The following MAP3K15 variants were observed in gnomAD, a reference collection of about 807,000 sequenced individuals.
The protein encoded by MAP3K15 is MAPK/ERK kinase kinase 15.
MAP3K15 carries 124 observed loss-of-function variants against 99.5 expected under a neutral mutation model. The observed-to-expected ratio is 1.25, with a 90% CI of 1.08 to 1.45. The LOEUF is 1.45. Ranked by LOEUF, MAP3K15 falls within the 40% of genes most tolerant of loss-of-function variation. MAP3K15 has a pLI of 0.00. For synonymous variants in MAP3K15, 494 were observed against 439.6 expected (o/e 1.12, Z -1.55); for missense variants, 1,242 against 1,079.7 (o/e 1.15, Z -2.11).
chrX:19,512,381 A>C (rs753955532), intron 1 of MAP3K15, among the ~76,000 whole-genome samples: 1 of 112,150 alleles, frequency 8.9e-6, no homozygotes, highest in East Asian at 2.8e-4. Context: ...GCCTTTTTCC[A>C]GAACAGCATT....
intron 6 of MAP3K15, among the ~76,000 whole-genome samples, chrX:19,453,048 G>A (rs952901888): frequency 7.2e-5 from 8 of 111,142 alleles, no homozygotes; most frequent in South Asian, 3.8e-4. Flanking sequence ...AGGGAGCAAC[G>A]GGCAGCTGTT....
rs2063264179 is a variant in MAP3K15 at position 19,360,173 on chromosome X, A to ACTTACACATTCAGTATAAATAT, written c.*554_*575dup. ...AAGGCCACATAACTTAGTTTTCTCT[A>ACTTACACATTCAGTATAAATAT]CTTACACATTCAGTATAAATATGAA... is the stretch of plus-strand genomic sequence containing the variant. On this transcript the variant is annotated 3_prime_UTR_variant, in exon 29 of 29. Coordinates refer to ENST00000338883, the MANE Select transcript of MAP3K15 (RefSeq NM_001001671.4). 6.7e-6 allele frequency: 1 copy of ACTTACACATTCAGTATAAATAT among 149,171 alleles called. No individual in the cohort carries two copies. The highest frequency in any genetic ancestry group is 3.2e-5 in the African/African-American group (1 of 31,661). 12.3% of individuals were successfully genotyped at this position (149,171 alleles called of 1,213,427 possible).
chrX:19,508,876 C>A (rs1363263768), intron 1 of MAP3K15, among the ~76,000 whole-genome samples: 1 of 110,046 alleles, frequency 9.1e-6, no homozygotes, highest in Non-Finnish European at 1.9e-5. Flanking sequence ...AGAGTGAGAC[C>A]CTGTCTCAAA....
At chrX:19,482,036 C>G (rs866611437) in intron 3 of MAP3K15, 1 of 108,675 alleles carries the variant, frequency 9.2e-6, no homozygotes, top group Middle Eastern at 4.6e-3. Context: ...AAAAATTAGC[C>G]AGGCGTGGTG....
chrX:19,391,046 G>A (rs1032181652), intron 18 of MAP3K15, among the ~76,000 whole-genome samples: 1 of 111,498 alleles, frequency 9.0e-6, no homozygotes, highest in African/African-American at 3.3e-5. Flanking sequence ...AAACTAGCTG[G>A]TAATTGTATA....
chrX:19,443,022 CTTTTTTTTTTTT>C (rs35963207), intron 6 of MAP3K15, among the ~76,000 whole-genome samples: 1 of 17,236 alleles, frequency 5.8e-5, no homozygotes, highest in Non-Finnish European at 8.9e-5. Context: ...CCATGCCCGG[CTTTTTTTTTTTT>C]TTTTTTTTTT....
intron 18 of MAP3K15, among the ~76,000 whole-genome samples, chrX:19,390,750 T>C (rs1019795056): frequency 3.8e-5 from 4 of 105,896 alleles, no homozygotes; most frequent in Non-Finnish European, 7.7e-5. Context: ...ACCACGCTGG[T>C]CTTGCACTGC....
intron 26 of MAP3K15, 74 bp downstream of exon 26, chrX:19,362,664 C>A: frequency 1.6e-6 from 1 of 627,136 alleles, no homozygotes; most frequent in African/African-American, 2.2e-5. Context: ...CAGAAGATAA[C>A]CTCAAATGTT....
chrX:19,465,830 G>GGTGGGTGT (rs1555961309), intron 3 of MAP3K15, among the ~76,000 whole-genome samples: 2 of 94,006 alleles, frequency 2.1e-5, no homozygotes, highest in African/African-American at 7.7e-5. Context: ...GGTGTGTAGG[G>GGTGGGTGT]GTGTGTGTGT....
chrX:19,371,348 A>G lies in MAP3K15; in HGVS notation c.3291T>C (p.Asp1097=). Residue 1097 remains aspartate, a synonymous_variant, in exon 23 of 29, where the codon GAT becomes GAC. Transcript: ENST00000338883. Reference sequence around the variant, plus strand: ...TAGGGCCAGATGGAGCACTTACGGCATCCTGAAATCCGAACAGCACCAGGT... The same window carrying G: ...TAGGGCCAGATGGAGCACTTACGGCGTCCTGAAATCCGAACAGCACCAGGT... ...QIHLVLFGFQ[D]AVNKILRNHL... The G allele has an allele frequency of 8.3e-7, 1 of 1,203,868 alleles. No individual in the cohort carries two copies. Among genetic ancestry groups the G allele is most frequent in the Non-Finnish European group, 1.1e-6 (1 of 889,721 alleles).
intron 6 of MAP3K15, among the ~76,000 whole-genome samples, chrX:19,444,195 A>G (rs937875013): frequency 3.6e-5 from 4 of 112,094 alleles, no homozygotes; most frequent in Admixed American, 9.5e-5. Context: ...TATTTAGTGC[A>G]TGTCACCTAA....
At chrX:19,486,115 C>G (rs983577593) in intron 3 of MAP3K15, among the ~76,000 whole-genome samples, 1 of 111,454 alleles carries the variant, frequency 9.0e-6, no homozygotes, top group Non-Finnish European at 1.9e-5. Context: ...ATTAGGGAAA[C>G]TCTGCTTGGG....
intron 6 of MAP3K15, among the ~76,000 whole-genome samples, chrX:19,444,090 C>G (rs2063978382): frequency 8.9e-6 from 1 of 111,997 alleles, no homozygotes; most frequent in Non-Finnish European, 1.9e-5. Flanking sequence ...AATAATCCCC[C>G]AAGGGCTGGC....
chrX:19,456,956 C>T lies in MAP3K15; in HGVS notation c.952G>A (p.Asp318Asn), dbSNP rs368664109. Residue 318 changes from aspartate (D) to asparagine (N), a missense_variant, in exon 6 of 29, where the codon GAT (aspartate) becomes AAT (asparagine). Physicochemically the swap from Asp to Asn is conservative, Grantham distance 23. Coordinates refer to ENST00000338883, the MANE Select transcript of MAP3K15 (RefSeq NM_001001671.4). ...LEMLPTCDLA[D>N]QHNIKFHYAF... ...TAGTGGAATTTAATGTTATGCTGAT[C>T]GGCCAAATCACACGTAGGCAGCATC... is the stretch of plus-strand genomic sequence containing the variant. 40 of 1,197,214 alleles carry T rather than the reference C, an allele frequency of 3.3e-5. No individual in the cohort carries two copies. Among genetic ancestry groups the T allele is most frequent in the Admixed American group, 6.6e-5 (3 of 45,665 alleles).
At chrX:19,507,866 T>C (rs2064490303) in intron 1 of MAP3K15, among the ~76,000 whole-genome samples, 1 of 111,381 alleles carries the variant, frequency 9.0e-6, no homozygotes, top group Non-Finnish European at 1.9e-5. Flanking sequence ...TATTGGTTTC[T>C]AGGGTTTTGT....
Position 19,398,190 on chromosome X carries a change from C to T in MAP3K15, c.2066+36G>A, listed in dbSNP as rs73637637. 303 of 1,204,549 alleles carry T rather than the reference C, an allele frequency of 2.5e-4. No individual in the cohort carries two copies. In the Admixed American group the frequency reaches 2.5e-3, roughly 10 times the overall value. On this transcript the variant is annotated intron_variant, in intron 15 of 28. Transcript: ENST00000338883. ...GGGTATGGGATCTGGGGTGTGGAGA[C>T]GGCACCCGAAATGCGGAAGGCCCGC...
intron 6 of MAP3K15, among the ~76,000 whole-genome samples, chrX:19,437,392 T>C (rs187123015): frequency 1.8e-5 from 2 of 111,648 alleles, no homozygotes; most frequent in Non-Finnish European, 3.8e-5. Context: ...GATGTGGTCC[T>C]AGTTATTTCT....
rs140145114 is a variant in MAP3K15 at position 19,360,782 on chromosome X, A to G, written c.3909T>C (p.Ala1303=). 646 of 1,208,422 alleles carry G rather than the reference A, an allele frequency of 5.3e-4. 5 individuals carry two copies. The African/African-American group carries it at 9.9e-3, about 18-fold the overall frequency. ...LWSAVSQYRR[A]QEASETKDKA Reference sequence around the variant, plus strand: ...TGTCTTTGGTTTCTGAGGCCTCCTGAGCCCTTCTGTACTGGGAGACCGCAC... The same window carrying G: ...TGTCTTTGGTTTCTGAGGCCTCCTGGGCCCTTCTGTACTGGGAGACCGCAC... Residue 1303 remains alanine, a synonymous_variant, in exon 29 of 29, where the codon GCT becomes GCC. Transcript: ENST00000338883.
intron 3 of MAP3K15, among the ~76,000 whole-genome samples, chrX:19,480,653 TAAAAAAA>T (rs746641774): frequency 3.7e-4 from 25 of 68,457 alleles, no homozygotes; most frequent in Non-Finnish European, 5.2e-4. Flanking sequence ...GGTCTCTACT[TAAAAAAA>T]AAAAAAAAAA....
Sources: allele counts gnomAD v4.1 joint callset (sites outside exome capture counted in the v4.1 genomes callset), GRCh38; gene constraint gnomAD v4.1.1; transcripts MANE v1.5; gene names NCBI Gene and HGNC (gene_info 2026-07-23, HGNC 2026-07-21).